Variants in MSI2 observed in about 807,000 individuals in gnomAD.
MSI2 encodes the protein RNA-binding protein Musashi homolog 2.
A neutral mutation model predicts 45.6 loss-of-function variants in MSI2; 17 were observed. That is an observed-to-expected ratio of 0.37 (90% CI 0.26 to 0.56). The LOEUF (loss-of-function observed/expected upper bound fraction) is 0.56, where lower values mean the gene tolerates loss of function less well. Among genes scored for constraint, MSI2 ranks in the 20% least tolerant of loss-of-function variants. The pLI, the probability that MSI2 is intolerant of heterozygous loss-of-function variation, is 0.77. For missense variants in MSI2, 293 were observed against 444.2 expected, an observed-to-expected ratio of 0.66 and a Z score of 3.06; for synonymous variants, 156 against 158.2, an observed-to-expected ratio of 0.99 and a Z score of 0.11.
chr17:57,633,533 G>A (rs767871642), intron 10 of MSI2, among the ~76,000 whole-genome samples: 5 of 152,208 alleles, frequency 3.3e-5, no homozygotes, highest in Non-Finnish European at 5.9e-5. Flanking sequence ...TTACCCTCGC[G>A]CCCACGGGCC....
chr17:57,285,368 G>A (rs530056576), intron 5 of MSI2, among the ~76,000 whole-genome samples: 2 of 152,278 alleles, frequency 1.3e-5, no homozygotes, highest in South Asian at 4.1e-4. Flanking sequence ...CCAAACCAAG[G>A]AACAAATAAA....
intron 6 of MSI2, among the ~76,000 whole-genome samples, chr17:57,408,178 A>T (rs2084119332): frequency 6.6e-6 from 1 of 152,202 alleles, no homozygotes; most frequent in Non-Finnish European, 1.5e-5. Flanking sequence ...TACTTCTCTT[A>T]AATTTTCGTA....
chr17:57,648,559 C>T (rs1224370157), intron 10 of MSI2, among the ~76,000 whole-genome samples: 1 of 152,146 alleles, frequency 6.6e-6, no homozygotes, highest in East Asian at 1.9e-4. Context: ...GGCCCCTTCA[C>T]ACATTGGCCA....
At chr17:57,690,922 C>T in the MSI2 span, among the ~76,000 whole-genome samples, 3 of 152,114 alleles carry the variant, frequency 2.0e-5, no homozygotes, top group Admixed American at 6.5e-5. Flanking sequence ...ATTTTGCATG[C>T]GACCTAAGTC....
At chr17:57,575,147 T>TG (rs1555626236) in intron 7 of MSI2, among the ~76,000 whole-genome samples, 1 of 119,544 alleles carries the variant, frequency 8.4e-6, no homozygotes, top group Non-Finnish European at 1.7e-5. Context: ...CTTTTTTAAC[T>TG]CCCTCCCCCC....
chr17:57,572,471 T>C (rs929228936), intron 7 of MSI2, among the ~76,000 whole-genome samples: 1 of 152,218 alleles, frequency 6.6e-6, no homozygotes, highest in African/African-American at 2.4e-5. Context: ...GATTTGCTTT[T>C]AAAAGTCCAA....
At chr17:57,256,270 C>T (rs969740675), upstream of MSI2, among the ~76,000 whole-genome samples, 5 of 151,834 alleles carry the variant, frequency 3.3e-5, no homozygotes, top group African/African-American at 9.6e-5. Flanking sequence ...CCTGCCGGCC[C>T]GGAGGCGGGG....
intron 5 of MSI2, chr17:57,268,565 C>G (rs529368871): frequency 1.3e-5 from 2 of 150,644 alleles, no homozygotes; most frequent in Non-Finnish European, 3.0e-5. Context: ...CAGCCAGGTG[C>G]GGTGGCTCAT....
At position 57,552,078 on chromosome 17, in the gene MSI2, A is replaced by T. The variant is rs8066491; in HGVS notation, c.454+22354A>T. ...CCTAGAGCCCCTCGTCCTGGGGCTC[A>T]AGGACCCAGCTCATGTGACCTTCAG... On this transcript the variant is annotated intron_variant, in intron 7 of 13. Coordinates refer to ENST00000284073, the MANE Select transcript of MSI2 (RefSeq NM_138962.4). This position sits in a 1 kb window ranked among gnomAD's most constrained non-coding sequence, Gnocchi z 4.3. Among the ~76,000 whole-genome samples, 1 of 151,914 alleles carries T rather than the reference A, an allele frequency of 6.6e-6. No homozygotes were observed. The highest frequency in any genetic ancestry group is 1.5e-5 in the Non-Finnish European group (1 of 67,958).
At chr17:57,606,762 T>G (rs1047241922) in intron 8 of MSI2, among the ~76,000 whole-genome samples, 1 of 152,118 alleles carries the variant, frequency 6.6e-6, no homozygotes, top group Non-Finnish European at 1.5e-5. Context: ...AAACAATGGA[T>G]GAAATTAATT....
chr17:57,574,801 GAC>G (rs2087972715), intron 7 of MSI2, among the ~76,000 whole-genome samples: 1 of 150,822 alleles, frequency 6.6e-6, no homozygotes, highest in Admixed American at 6.6e-5. Flanking sequence ...AGCCTTCAAA[GAC>G]ACAAATTCTG....
intron 5 of MSI2, among the ~76,000 whole-genome samples, chr17:57,365,931 G>T (rs1917154304): frequency 1.3e-5 from 2 of 151,554 alleles, no homozygotes; most frequent in Admixed American, 1.3e-4. Flanking sequence ...TATTTTTTTT[G>T]AGACAGAGTC....
intron 8 of MSI2, 125 bp downstream of exon 8, chr17:57,597,075 T>C (rs2144457392): frequency 1.5e-6 from 1 of 669,966 alleles, no homozygotes; most frequent in African/African-American, 1.8e-5. Flanking sequence ...GGCTAGATGC[T>C]CGGGGTCCAG....
chr17:57,392,355 T>TG (rs2083810256), intron 5 of MSI2, among the ~76,000 whole-genome samples: 1 of 152,150 alleles, frequency 6.6e-6, no homozygotes, highest in Admixed American at 6.5e-5. Context: ...GAGATGAGGG[T>TG]GGGGAGCTTC....
chr17:57,314,571 T>C (rs1360333050), intron 5 of MSI2, among the ~76,000 whole-genome samples: 17 of 140,140 alleles, frequency 1.2e-4, no homozygotes, highest in African/African-American at 4.3e-4. Context: ...TGGATTTTTT[T>C]TTTTTTTTTT....
At chr17:57,338,483 C>A (rs1914870001) in intron 5 of MSI2, among the ~76,000 whole-genome samples, 1 of 152,212 alleles carries the variant, frequency 6.6e-6, no homozygotes, top group Admixed American at 6.5e-5. Flanking sequence ...TGCCTGAGAC[C>A]ATAATCTCTG....
At chr17:57,564,026 C>T (rs770198924) in intron 7 of MSI2, among the ~76,000 whole-genome samples, 7 of 152,162 alleles carry the variant, frequency 4.6e-5, no homozygotes, top group African/African-American at 1.2e-4. Context: ...ATGAATAGGA[C>T]GTCCTTTATG....
At chr17:57,412,080 C>T (rs1269218463) in intron 6 of MSI2, among the ~76,000 whole-genome samples, 2 of 151,958 alleles carry the variant, frequency 1.3e-5, no homozygotes, top group Non-Finnish European at 2.9e-5. Flanking sequence ...CTCTGTCACC[C>T]AGGCTAGAGT....
intron 8 of MSI2, among the ~76,000 whole-genome samples, chr17:57,612,096 A>G (rs1907237259): frequency 1.1e-5 from 1 of 95,024 alleles, no homozygotes; most frequent in African/African-American, 3.3e-5. Context: ...TGGCTTATGC[A>G]GGGCCTGGGG....
Sources: allele counts gnomAD v4.1 joint callset (sites outside exome capture counted in the v4.1 genomes callset), GRCh38; gene constraint gnomAD v4.1.1; non-coding constraint Gnocchi (gnomAD v3.1); transcripts MANE v1.5; gene names NCBI Gene and HGNC (gene_info 2026-07-23, HGNC 2026-07-21).